Variants in SAXO5 observed in about 807,000 individuals in gnomAD.
SAXO5 encodes stabilizer of axonemal microtubules 5.
At chr19:7,501,757 G>T in the SAXO5 span, among the ~76,000 whole-genome samples, 1 of 152,048 alleles carries the variant, frequency 6.6e-6, no homozygotes, top group East Asian at 1.9e-4. Flanking sequence ...GGGGGCAGAG[G>T]TTGTGGTGAG....
the SAXO5 span, chr19:7,499,856 A>G: frequency 1.3e-5 from 2 of 151,996 alleles, no homozygotes; most frequent in East Asian, 1.9e-4. Context: ...GCACACCTAT[A>G]GTCCCAGATG....
At chr19:7,498,760 T>C in the SAXO5 span, among the ~76,000 whole-genome samples, 3 of 152,140 alleles carry the variant, frequency 2.0e-5, no homozygotes, top group Non-Finnish European at 4.4e-5. Context: ...TGGGAGGTCT[T>C]CCTGCAAGAG....
the SAXO5 span, among the ~76,000 whole-genome samples, chr19:7,497,908 T>C: frequency 6.6e-6 from 1 of 152,068 alleles, no homozygotes; most frequent in Non-Finnish European, 1.5e-5. Flanking sequence ...CCCAGCATTT[T>C]GGGAGGCCGA....
chr19:7,507,833 C>T, the SAXO5 span, among the ~76,000 whole-genome samples: 8 of 152,178 alleles, frequency 5.3e-5, no homozygotes, highest in Non-Finnish European at 1.2e-4. Context: ...AGTTCAACCT[C>T]CCCAGCCTTT....
At chr19:7,497,995 A>G in the SAXO5 span, among the ~76,000 whole-genome samples, 6 of 152,014 alleles carry the variant, frequency 3.9e-5, no homozygotes, top group African/African-American at 9.7e-5. Flanking sequence ...TACTAAAAAT[A>G]CAAAAATTGG....
At chr19:7,501,539 T>C in the SAXO5 span, 13 of 1,045,424 alleles carry the variant, frequency 1.2e-5, no homozygotes, top group Non-Finnish European at 1.7e-5. Flanking sequence ...ACTTGGGGGG[T>C]GGCCGGGCGC....
the SAXO5 span, chr19:7,508,416 C>T: frequency 2.5e-6 from 4 of 1,609,424 alleles, no homozygotes; most frequent in Non-Finnish European, 2.5e-6. Context: ...GTACCTGTGC[C>T]CCAGCCAGCA....
At chr19:7,505,901 C>T in the SAXO5 span, 36 of 1,478,872 alleles carry the variant, frequency 2.4e-5, no homozygotes, top group East Asian at 7.3e-4. Flanking sequence ...CACCTCCTCC[C>T]TCCCCCCCGG....
At chr19:7,505,227 C>A in the SAXO5 span, 1 of 1,166,792 alleles carries the variant, frequency 8.6e-7, no homozygotes, top group Non-Finnish European at 1.3e-6. Flanking sequence ...AGGTGATCCA[C>A]CCACCTCAGC....
the SAXO5 span, among the ~76,000 whole-genome samples, chr19:7,504,720 A>C: frequency 7.0e-6 from 1 of 142,054 alleles, no homozygotes; most frequent in Non-Finnish European, 1.5e-5. Flanking sequence ...AAAAAAAAAA[A>C]GTGGGGGACG....
the SAXO5 span, chr19:7,508,340 C>G: frequency 6.2e-7 from 1 of 1,613,950 alleles, no homozygotes; most frequent in Non-Finnish European, 8.5e-7. Context: ...GCTTCGTGCC[C>G]CTGGGCACGC....
the SAXO5 span, among the ~76,000 whole-genome samples, chr19:7,500,303 A>AT: frequency 0.026 from 3,872 of 150,960 alleles, 65 homozygotes; most frequent in Middle Eastern, 0.062. Context: ...CACATGAAAG[A>AT]TTTTTTTTTA....
At chr19:7,508,361 C>T in the SAXO5 span, 159 of 1,613,710 alleles carry the variant, frequency 9.9e-5, no homozygotes, top group South Asian at 2.3e-4. Flanking sequence ...CTCACCAGCG[C>T]GGCTGCAGGG....
At chr19:7,500,463 G>A in the SAXO5 span, among the ~76,000 whole-genome samples, 2 of 131,478 alleles carry the variant, frequency 1.5e-5, no homozygotes, top group Non-Finnish European at 3.3e-5. Flanking sequence ...CACCACTCCA[G>A]GCTAATTTTT....
the SAXO5 span, chr19:7,499,922 CTTGTCTAA>C: frequency 3.6e-5 from 3 of 84,074 alleles, no homozygotes; most frequent in African/African-American, 1.4e-4. Flanking sequence ...GCCCACCACA[CTTGTCTAA>C]TTTGTGTGTG....
chr19:7,505,554 G>C, the SAXO5 span: 1 of 1,614,094 alleles, frequency 6.2e-7, no homozygotes. Context: ...CTCCGGAGTC[G>C]CACATCCTGA....
the SAXO5 span, chr19:7,506,832 C>T: frequency 1.8e-6 from 1 of 543,972 alleles, no homozygotes; most frequent in South Asian, 2.1e-5. Flanking sequence ...CAGCGCCTAC[C>T]TCTTTCCCAG....
chr19:7,504,011 G>A, the SAXO5 span: 4 of 721,670 alleles, frequency 5.5e-6, no homozygotes, highest in Non-Finnish European at 9.8e-6. Context: ...TGTTCAGAAT[G>A]GCCCAGCTCC....
the SAXO5 span, chr19:7,507,283 G>C: frequency 0.33 from 237,698 of 715,424 alleles, 41,254 homozygotes; most frequent in Non-Finnish European, 0.35. Flanking sequence ...CCTTCAGCCT[G>C]AAGATCATCC....
Sources: allele counts gnomAD v4.1 joint callset (sites outside exome capture counted in the v4.1 genomes callset), GRCh38; gene constraint gnomAD v4.1.1; transcripts MANE v1.5; gene names NCBI Gene and HGNC (gene_info 2026-07-23, HGNC 2026-07-21).